The following INPP4B variants were observed in gnomAD, a reference collection of about 807,000 sequenced individuals.
The protein encoded by INPP4B is inositol polyphosphate-4-phosphatase type II B, also known as inositol polyphosphate 4-phosphatase type II.
A neutral mutation model predicts 122.5 loss-of-function variants in INPP4B; 55 were observed. The ratio of observed to expected loss-of-function variants is 0.45; its 90% CI spans 0.36 to 0.56. The LOEUF (loss-of-function observed/expected upper bound fraction) is 0.56, where lower values mean the gene tolerates loss of function less well. INPP4B is among the 20% of genes least tolerant of loss of function. The pLI, the probability that INPP4B is intolerant of heterozygous loss-of-function variation, is 0.00. For synonymous variants in INPP4B, 403 were observed against 388.7 expected (o/e 1.04, Z -0.43); for missense variants, 1,000 against 1,097.7 (o/e 0.91, Z 1.26).
At chr4:142,255,649 G>T (rs998037526) in intron 11 of INPP4B, among the ~76,000 whole-genome samples, 6 of 152,122 alleles carry the variant, frequency 3.9e-5, no homozygotes, top group African/African-American at 1.4e-4. Context: ...ATCAAGAAGA[G>T]CTAACTATCC....
intron 11 of INPP4B, among the ~76,000 whole-genome samples, chr4:142,239,207 G>A (rs554040505): frequency 4.9e-4 from 74 of 152,046 alleles, no homozygotes; most frequent in African/African-American, 1.5e-3. Flanking sequence ...GTACACTAGG[G>A]ACATTATCAT....
At chr4:142,484,070 G>A (rs149300333) in intron 2 of INPP4B, among the ~76,000 whole-genome samples, 262 of 152,178 alleles carry the variant, frequency 1.7e-3, no homozygotes, top group African/African-American at 5.6e-3. Flanking sequence ...TAAAGAAGAT[G>A]CAGAAAGGAA....
intron 2 of INPP4B, among the ~76,000 whole-genome samples, chr4:142,508,701 C>A (rs1330675645): frequency 6.6e-6 from 1 of 152,124 alleles, no homozygotes; most frequent in African/African-American, 2.4e-5. Flanking sequence ...CAAAATTATC[C>A]AATAGCCTTT....
intron 2 of INPP4B, among the ~76,000 whole-genome samples, chr4:142,701,557 C>A (rs1265034997): frequency 6.7e-6 from 1 of 148,840 alleles, no homozygotes; most frequent in Non-Finnish European, 1.5e-5. Flanking sequence ...GTCTTGGTAA[C>A]AGTTTGGGCT....
chr4:142,514,862 C>T (rs1339271432), intron 2 of INPP4B, among the ~76,000 whole-genome samples: 1 of 145,274 alleles, frequency 6.9e-6, no homozygotes, highest in Non-Finnish European at 1.5e-5. Flanking sequence ...GTGGCGCGAT[C>T]CTGGCTCACC....
At chr4:142,797,119 T>C (rs1373800732) in intron 1 of INPP4B, among the ~76,000 whole-genome samples, 1 of 151,964 alleles carries the variant, frequency 6.6e-6, no homozygotes, top group African/African-American at 2.4e-5. Context: ...GCTTACTATG[T>C]GCCATGCTCT....
At chr4:142,036,361 AAATATT>A (rs1414206203) in intron 25 of INPP4B, among the ~76,000 whole-genome samples, 1 of 152,186 alleles carries the variant, frequency 6.6e-6, no homozygotes, top group Non-Finnish European at 1.5e-5. Context: ...ATCATAGTAT[AAATATT>A]ATATGCTGAT....
chr4:142,181,335 T>C (rs79583196), intron 15 of INPP4B, among the ~76,000 whole-genome samples: 1,890 of 152,226 alleles, frequency 0.012, 40 homozygotes, highest in African/African-American at 0.043. Flanking sequence ...TTGCTGGAAG[T>C]AGAAGTTGCA....
intron 11 of INPP4B, among the ~76,000 whole-genome samples, chr4:142,242,166 A>G (rs1452972434): frequency 1.3e-5 from 2 of 152,324 alleles, no homozygotes; most frequent in East Asian, 3.9e-4. Context: ...GTATTTGAAG[A>G]TATCTTAAAT....
chr4:142,833,864 C>T (rs1185835876), intron 1 of INPP4B, among the ~76,000 whole-genome samples: 1 of 152,024 alleles, frequency 6.6e-6, no homozygotes. Context: ...CTCTTCTATC[C>T]CAGGCCTCAC....
intron 16 of INPP4B, among the ~76,000 whole-genome samples, chr4:142,165,096 T>C (rs1185390525): frequency 2.0e-5 from 3 of 151,906 alleles, no homozygotes; most frequent in East Asian, 3.9e-4. Flanking sequence ...TCCATCTCTA[T>C]CCATCTCCTG....
intron 21 of INPP4B, among the ~76,000 whole-genome samples, chr4:142,115,985 A>G (rs763578542): frequency 1.3e-5 from 2 of 152,128 alleles, no homozygotes; most frequent in Non-Finnish European, 2.9e-5. Context: ...AGCAAATGGA[A>G]AACAAAAAAA....
Position 142,467,052 on chromosome 4 carries a change from C to T in INPP4B, c.-190-4326G>A, listed in dbSNP as rs1817923462. The stretch of plus-strand genomic sequence containing the variant: ...GAAAGATTGGTTGCCCAAGTAGAAG[C>T]CTATCACCAGTGCAGAACCCTAACA... On this transcript the variant is annotated intron_variant, in intron 2 of 25. Transcript: ENST00000262992. 2.6e-5 allele frequency among the ~76,000 whole-genome samples: 4 copies of T among 152,314 alleles called. 1 individual carries two copies. In the South Asian group the frequency reaches 8.3e-4, roughly 32 times the overall value.
chr4:142,393,206 T>A (rs941777808), intron 7 of INPP4B, among the ~76,000 whole-genome samples: 3 of 151,834 alleles, frequency 2.0e-5, no homozygotes, highest in Non-Finnish European at 4.4e-5. Flanking sequence ...TTGCACACTC[T>A]CACCTAAGTG....
At chr4:142,246,296 T>C (rs1251170744) in intron 11 of INPP4B, among the ~76,000 whole-genome samples, 1 of 152,114 alleles carries the variant, frequency 6.6e-6, no homozygotes, top group Non-Finnish European at 1.5e-5. Context: ...TTTTGTTCCA[T>C]ATGAAATTTA....
At chr4:142,601,662 A>G (rs1481584041) in intron 2 of INPP4B, among the ~76,000 whole-genome samples, 2 of 151,862 alleles carry the variant, frequency 1.3e-5, no homozygotes, top group African/African-American at 2.4e-5. Flanking sequence ...AACAAAAACA[A>G]AACAAATTCC....
intron 15 of INPP4B, among the ~76,000 whole-genome samples, chr4:142,187,522 ATATC>A (rs1025671271): frequency 1.3e-5 from 2 of 151,832 alleles, no homozygotes; most frequent in Non-Finnish European, 2.9e-5. Flanking sequence ...CTGTGTGTGT[ATATC>A]TATCTATATA....
intron 1 of INPP4B, among the ~76,000 whole-genome samples, chr4:142,784,275 A>G (rs1775381192): frequency 6.6e-6 from 1 of 151,906 alleles, no homozygotes; most frequent in Admixed American, 6.6e-5. Context: ...AGGTAGGAGA[A>G]TTGCTTGAAC....
At chr4:142,804,478 C>T (rs1210633627) in intron 1 of INPP4B, among the ~76,000 whole-genome samples, 2 of 152,198 alleles carry the variant, frequency 1.3e-5, no homozygotes, top group Non-Finnish European at 2.9e-5. Context: ...TTCATTGTTT[C>T]ACTTAAGTGT....
Sources: gnomAD v4.1 joint callset for allele counts (sites outside exome capture counted in the v4.1 genomes callset) on GRCh38, gnomAD v4.1.1 for gene constraint, MANE v1.5 for transcripts, NCBI Gene and HGNC (gene_info 2026-07-23, HGNC 2026-07-21) for gene names.